The following BRI3 variants were observed in gnomAD, a reference collection of about 807,000 sequenced individuals.
BRI3 encodes brain protein I3, also known as membrane protein BRI3.
In BRI3, 6 loss-of-function variants were observed where a neutral mutation model predicts 12.8. The observed-to-expected ratio is 0.47, with a 90% CI of 0.26 to 0.93. The LOEUF is 0.93. Among genes scored for constraint, BRI3 ranks in the 40% least tolerant of loss-of-function variants. The pLI is 0.15. For synonymous variants in BRI3, 91 were observed against 76.1 expected (o/e 1.20, Z -1.02); for missense variants, 134 against 171.1 (o/e 0.78, Z 1.21).
At chr7:98,312,058 A>G, downstream of BRI3, 1 of 1,551,994 alleles carries the variant, frequency 6.4e-7, no homozygotes. Context: ...AAGTTAGGAA[A>G]CACACGATTG....
upstream of BRI3, among the ~76,000 whole-genome samples, chr7:98,301,676 T>TGC (rs2116825733): frequency 6.6e-6 from 1 of 152,080 alleles, no homozygotes; most frequent in Admixed American, 6.6e-5. Flanking sequence ...TGTGTGTGTG[T>TGC]GCACACGCGC....
At chr7:98,303,994 G>T (rs1440131442), upstream of BRI3, among the ~76,000 whole-genome samples, 3 of 152,194 alleles carry the variant, frequency 2.0e-5, no homozygotes, top group African/African-American at 7.2e-5. Flanking sequence ...AAGAAGGGCT[G>T]AAGTCAAGGA....
downstream of BRI3, chr7:98,291,708 C>A: frequency 8.8e-6 from 2 of 227,542 alleles, no homozygotes; most frequent in Non-Finnish European, 1.5e-5. Flanking sequence ...ACAGAGCAGG[C>A]ACCTCGGTGC....
At chr7:98,282,059 G>A (rs1252820019) in intron 1 of BRI3, 122 bp downstream of exon 1, 2 of 1,287,744 alleles carry the variant, frequency 1.6e-6, no homozygotes, top group East Asian at 3.0e-5. Context: ...GAGGTCCCCG[G>A]GCTGGCTTCG....
At chr7:98,285,718 C>T (rs1218836804) in intron 2 of BRI3, among the ~76,000 whole-genome samples, 7 of 152,132 alleles carry the variant, frequency 4.6e-5, no homozygotes, top group Non-Finnish European at 8.8e-5. Context: ...ACAGGGGAGG[C>T]GAGGGCTGGC....
At chr7:98,312,451 G>A (rs1216221850), downstream of BRI3, among the ~76,000 whole-genome samples, 3 of 152,160 alleles carry the variant, frequency 2.0e-5, no homozygotes, top group East Asian at 3.9e-4. Flanking sequence ...GCTGAGAGGG[G>A]CAAAGGCTCT....
intron 1 of BRI3, chr7:98,306,769 G>T (rs1584433272): frequency 4.1e-6 from 2 of 489,146 alleles, no homozygotes; most frequent in East Asian, 8.5e-5. Context: ...GTGCAGTGGT[G>T]CGATCATAGC....
chr7:98,299,726 C>CT (rs976495380), intron 1 of BRI3, among the ~76,000 whole-genome samples: 3 of 152,150 alleles, frequency 2.0e-5, no homozygotes, highest in African/African-American at 7.2e-5. Context: ...ATGTGGCAAC[C>CT]ACTAGCTGTA....
At chr7:98,320,678 A>G in the BRI3 span, among the ~76,000 whole-genome samples, 1 of 152,104 alleles carries the variant, frequency 6.6e-6, no homozygotes, top group Non-Finnish European at 1.5e-5. Context: ...GAAACAGAAC[A>G]GGGAAACACA....
chr7:98,306,266 G>A (rs1800652489), upstream of BRI3, among the ~76,000 whole-genome samples: 1 of 152,082 alleles, frequency 6.6e-6, no homozygotes, highest in South Asian at 2.1e-4. Flanking sequence ...CAAAGCTCGG[G>A]GACAACAGAA....
At chr7:98,314,991 G>GT (rs1330017342), downstream of BRI3, among the ~76,000 whole-genome samples, 1 of 152,210 alleles carries the variant, frequency 6.6e-6, no homozygotes, top group Non-Finnish European at 1.5e-5. Flanking sequence ...CATTTCAGCT[G>GT]TATTTCTATA....
chr7:98,297,536 G>A (rs780936934), downstream of BRI3, among the ~76,000 whole-genome samples: 5 of 152,198 alleles, frequency 3.3e-5, no homozygotes, highest in East Asian at 9.6e-4. Context: ...CTGGAGGCCA[G>A]TTACTCGCAA....
chr7:98,293,644 A>C, downstream of BRI3: 1 of 1,573,470 alleles, frequency 6.4e-7, no homozygotes, highest in Non-Finnish European at 8.8e-7. Flanking sequence ...CTACGAGGGA[A>C]ACTGGATTTT....
At chr7:98,297,543 G>C (rs1053846895), downstream of BRI3, among the ~76,000 whole-genome samples, 7 of 152,104 alleles carry the variant, frequency 4.6e-5, no homozygotes, top group African/African-American at 1.7e-4. Context: ...CCAGTTACTC[G>C]CAACAAAAGT....
chr7:98,291,126 G>A lies in BRI3; in HGVS notation c.261G>A (p.Glu87=). 1.2e-6 allele frequency: 2 copies of A among 1,614,182 alleles called. No homozygotes were observed. Among genetic ancestry groups the A allele is most frequent in the Non-Finnish European group, 1.7e-6 (2 of 1,180,038 alleles). ...GCPVCRVGVL[E]DCFTFLGIFL... Reference sequence around the variant, plus strand: ...TCTGCTGCAGGGTTGGGGTGCTGGAGGACTGCTTCACCTTCCTGGGCATCT... The same window carrying A: ...TCTGCTGCAGGGTTGGGGTGCTGGAAGACTGCTTCACCTTCCTGGGCATCT... Residue 87 remains glutamate, a synonymous_variant, in exon 3 of 3, where the codon GAG becomes GAA. Coordinates refer to ENST00000297290, the MANE Select transcript of BRI3 (RefSeq NM_015379.5).
At chr7:98,319,253 G>C in the BRI3 span, among the ~76,000 whole-genome samples, 4 of 152,148 alleles carry the variant, frequency 2.6e-5, no homozygotes, top group African/African-American at 9.7e-5. Flanking sequence ...CTCAATACCG[G>C]GTCTGTAGGG....
chr7:98,293,517 CCT>C (rs747991082), downstream of BRI3: 26 of 1,612,530 alleles, frequency 1.6e-5, no homozygotes, highest in Non-Finnish European at 2.1e-5. Flanking sequence ...CCTTGGCTGT[CCT>C]CTCATCGAAT....
chr7:98,282,417 A>G lies in BRI3; in HGVS notation c.209A>G (p.Asn70Ser), dbSNP rs1260334543. 3.1e-6 allele frequency: 5 copies of G among 1,613,772 alleles called. 1 individual carries two copies. The Middle Eastern group carries it at 6.6e-4, about 213-fold the overall frequency. Reference protein sequence around the residue: ...HSRTVTRYPANSIVVVGGCPV... With the variant: ...HSRTVTRYPASSIVVVGGCPV... ...CGGACCGTCACCCGCTATCCTGCCAACTCTATCGTGGTCGTAGGAGGCTGT... is the reference window on the plus strand; with the variant it reads ...CGGACCGTCACCCGCTATCCTGCCAGCTCTATCGTGGTCGTAGGAGGCTGT... Residue 70 changes from asparagine (N) to serine (S), a missense_variant, in exon 2 of 3, where the codon AAC becomes AGC. Transcript: ENST00000297290.
chr7:98,306,182 G>A (rs1449208860), upstream of BRI3, among the ~76,000 whole-genome samples: 1 of 152,194 alleles, frequency 6.6e-6, no homozygotes, highest in African/African-American at 2.4e-5. Flanking sequence ...GAGGGGCAGG[G>A]CACAGGGAGG....
Sources: allele counts gnomAD v4.1 joint callset (sites outside exome capture counted in the v4.1 genomes callset), GRCh38; gene constraint gnomAD v4.1.1; transcripts MANE v1.5; gene names NCBI Gene and HGNC (gene_info 2026-07-23, HGNC 2026-07-21).